Variants in BIRC6 observed in about 807,000 individuals in gnomAD.
BIRC6 encodes dual E2 ubiquitin-conjugating enzyme/E3 ubiquitin-protein ligase BIRC6.
In BIRC6, 98 loss-of-function variants were observed where a neutral mutation model predicts 503.3. The ratio of observed to expected loss-of-function variants is 0.19; its 90% CI spans 0.17 to 0.23. BIRC6 has a LOEUF of 0.23. Ranked by LOEUF, BIRC6 falls within the 10% of genes least tolerant of loss-of-function variation. The pLI is 1.00. For missense variants in BIRC6, 5,360 were observed against 5,806.0 expected (o/e 0.92, Z 2.50); for synonymous variants, 2,240 against 2,078.7 (o/e 1.08, Z -2.11).
intron 59 of BIRC6, among the ~76,000 whole-genome samples, chr2:32,526,031 T>G (rs992102507): frequency 7.9e-5 from 12 of 152,244 alleles, no homozygotes; most frequent in Non-Finnish European, 1.5e-5. Flanking sequence ...ATAAAACACA[T>G]TTATTGAGCA....
chr2:32,369,998 G>A (rs1482741599), intron 1 of BIRC6, among the ~76,000 whole-genome samples: 5 of 115,526 alleles, frequency 4.3e-5, no homozygotes, highest in Middle Eastern at 5.6e-3. Context: ...ATGTATGTAT[G>A]TGTGTGTATA....
intron 15 of BIRC6, 42 bp downstream of exon 15, chr2:32,436,226 C>T (rs1249901207): frequency 1.5e-6 from 2 of 1,342,058 alleles, no homozygotes; most frequent in East Asian, 2.8e-5. Context: ...AATAATACCA[C>T]AGTTGTAAAA....
intron 29 of BIRC6, 49 bp downstream of exon 29, chr2:32,468,832 G>C: frequency 1.5e-6 from 2 of 1,339,088 alleles, no homozygotes; most frequent in Non-Finnish European, 1.0e-6. Flanking sequence ...TACTTGATGT[G>C]ATTTCGCTGC....
At chr2:32,430,760 C>G (rs531430979) in intron 11 of BIRC6, 105 bp from the exon 12 acceptor site, 7 of 808,552 alleles carry the variant, frequency 8.7e-6, no homozygotes, top group East Asian at 5.4e-5. Flanking sequence ...GCAAGTGTTG[C>G]AATAGAAAAC....
chr2:32,518,677 G>A (rs1366555159), intron 56 of BIRC6, 140 bp from the exon 57 acceptor site: 2 of 1,085,086 alleles, frequency 1.8e-6, no homozygotes, highest in Non-Finnish European at 2.6e-6. Context: ...AACAAATCAT[G>A]GCAACTATGC....
In BIRC6 at chr2:32,397,653, CAT is replaced by C. The variant is rs368197550; in HGVS notation, c.1034+2065_1034+2066del. ...ATGTATATATATACACACACACACA[CAT>C]ATATGTGTATATATATATACACACA... On this transcript the variant is annotated intron_variant, in intron 6 of 73. Coordinates refer to ENST00000421745, the MANE Select transcript of BIRC6 (RefSeq NM_016252.4). 1.9e-3 allele frequency among the ~76,000 whole-genome samples: 257 copies of C among 135,186 alleles called. 3 individuals are homozygous for C. Among genetic ancestry groups the C allele is most frequent in the East Asian group, 9.9e-3 (48 of 4,828 alleles). The allele number at this position is 135,186 out of a possible 152,430, so 88.7% of individuals were successfully genotyped here. A position where few individuals can be genotyped will look rare whatever the true frequency, so the allele number is the denominator to read the frequency against.
chr2:32,536,268 C>G (rs1291707999), intron 61 of BIRC6, among the ~76,000 whole-genome samples: 3 of 152,128 alleles, frequency 2.0e-5, no homozygotes, highest in Non-Finnish European at 4.4e-5. Context: ...CCTGTTCACT[C>G]TGATGGTAGT....
intron 63 of BIRC6, among the ~76,000 whole-genome samples, chr2:32,546,412 T>C (rs1452660446): frequency 1.3e-5 from 2 of 149,376 alleles, no homozygotes; most frequent in Non-Finnish European, 3.0e-5. Context: ...AAACCCTGTC[T>C]CTACTAAAAA....
At chr2:32,535,117 G>A in intron 61 of BIRC6, among the ~76,000 whole-genome samples, 1 of 98,604 alleles carries the variant, frequency 1.0e-5, no homozygotes, top group East Asian at 3.0e-4. Flanking sequence ...GACCACCTGG[G>A]CAACATAACA....
Position 32,515,497 on chromosome 2 carries a change from A to C in BIRC6, c.11076A>C (p.Glu3692Asp). 1 of 1,613,898 alleles carries C rather than the reference A, an allele frequency of 6.2e-7. No homozygotes were observed. The highest frequency in any genetic ancestry group is 8.5e-7 in the Non-Finnish European group (1 of 1,179,892). ...LVAPILRFLTEVGNSHIMKDW... is the reference protein window; with the variant it reads ...LVAPILRFLTDVGNSHIMKDW... Reference sequence around the variant, plus strand: ...CTCCTATTCTTAGGTTTTTGACAGAAGTTGGCAATAGCCATATTATGAAAG... The same window carrying C: ...CTCCTATTCTTAGGTTTTTGACAGACGTTGGCAATAGCCATATTATGAAAG... The change falls in exon 55 of 74, where the codon GAA becomes GAC. Residue 3692 changes from glutamate (E) to aspartate (D), a missense_variant. Coordinates refer to ENST00000421745, the MANE Select transcript of BIRC6 (RefSeq NM_016252.4).
chr2:32,567,345 T>C (rs1573058111), intron 65 of BIRC6, among the ~76,000 whole-genome samples: 1 of 152,224 alleles, frequency 6.6e-6, no homozygotes, highest in African/African-American at 2.4e-5. Context: ...TTTCCTGGCT[T>C]GTATTTATAA....
intron 1 of BIRC6, among the ~76,000 whole-genome samples, chr2:32,365,468 C>T (rs550952734): frequency 3.9e-4 from 59 of 151,952 alleles, no homozygotes; most frequent in Non-Finnish European, 6.8e-4. Context: ...TACAGGCGTG[C>T]GCCTGCACGC....
chr2:32,590,192 T>A (rs1019578003), intron 66 of BIRC6, among the ~76,000 whole-genome samples: 3 of 152,220 alleles, frequency 2.0e-5, no homozygotes, highest in Non-Finnish European at 4.4e-5. Context: ...TTACCTCTAA[T>A]CTAAACTATA....
chr2:32,600,807 CTG>C (rs2062006242), intron 70 of BIRC6, among the ~76,000 whole-genome samples: 1 of 152,180 alleles, frequency 6.6e-6, no homozygotes, highest in Admixed American at 6.5e-5. Flanking sequence ...AGTTTACACA[CTG>C]TTAGCATTTA....
At chr2:32,383,221 A>G (rs561358050) in intron 3 of BIRC6, among the ~76,000 whole-genome samples, 1 of 144,714 alleles carries the variant, frequency 6.9e-6, no homozygotes, top group East Asian at 2.1e-4. Flanking sequence ...TAACTTTTGT[A>G]TTTTTAGTAG....
At chr2:32,496,741 CA>C (rs2052523159) in intron 45 of BIRC6, among the ~76,000 whole-genome samples, 1 of 152,038 alleles carries the variant, frequency 6.6e-6, no homozygotes, top group African/African-American at 2.4e-5. Context: ...AGAAAAAAAT[CA>C]TTTTGAGTGA....
chr2:32,405,356 A>C (rs959270867), intron 8 of BIRC6, among the ~76,000 whole-genome samples: 1 of 152,182 alleles, frequency 6.6e-6, no homozygotes, highest in African/African-American at 2.4e-5. Flanking sequence ...TTTATGGGCA[A>C]CTGTTATCAC....
At chr2:32,488,791 A>C in intron 42 of BIRC6, 77 bp downstream of exon 42, 2 of 1,050,160 alleles carry the variant, frequency 1.9e-6, no homozygotes, top group Non-Finnish European at 2.6e-6. Flanking sequence ...AAATATACCT[A>C]ATCTTTGTCA....
At chr2:32,362,822 C>G (rs1476228989) in intron 1 of BIRC6, among the ~76,000 whole-genome samples, 1 of 151,868 alleles carries the variant, frequency 6.6e-6, no homozygotes, top group Non-Finnish European at 1.5e-5. Context: ...TCCCATTACA[C>G]AGAATTATTT....
Sources: allele counts gnomAD v4.1 joint callset (sites outside exome capture counted in the v4.1 genomes callset), GRCh38; gene constraint gnomAD v4.1.1; transcripts MANE v1.5; gene names NCBI Gene and HGNC (gene_info 2026-07-23, HGNC 2026-07-21).